CSMD3: variants seen among roughly 807,000 people sequenced by gnomAD.
The protein encoded by CSMD3 is CUB and sushi domain-containing protein 3.
A neutral mutation model predicts 435.2 loss-of-function variants in CSMD3; 177 were observed. That is an observed-to-expected ratio of 0.41 (90% CI 0.36 to 0.46). CSMD3 has a LOEUF of 0.46. Among genes scored for constraint, CSMD3 ranks in the 20% least tolerant of loss-of-function variants. The pLI is 0.34. For synonymous variants in CSMD3, 1,656 were observed against 1,520.5 expected (o/e 1.09, Z -2.07); for missense variants, 4,265 against 4,504.6 (o/e 0.95, Z 1.52).
intron 58 of CSMD3, among the ~76,000 whole-genome samples, chr8:112,285,867 T>A (rs1175946656): frequency 6.6e-6 from 1 of 151,868 alleles, no homozygotes; most frequent in Admixed American, 6.6e-5. Flanking sequence ...TACAGGCATA[T>A]GCCACCACAC....
chr8:112,616,627 C>A (rs1442119301), intron 22 of CSMD3, among the ~76,000 whole-genome samples: 1 of 152,068 alleles, frequency 6.6e-6, no homozygotes, highest in African/African-American at 2.4e-5. Flanking sequence ...GGTGACAACA[C>A]ATGGATTCAG....
At chr8:112,905,195 T>C (rs1398685149) in intron 10 of CSMD3, among the ~76,000 whole-genome samples, 3 of 151,320 alleles carry the variant, frequency 2.0e-5, no homozygotes, top group Non-Finnish European at 4.4e-5. Flanking sequence ...CATTTTAGTT[T>C]CAATTACCTC....
At chr8:113,283,092 A>T (rs1358205776) in intron 2 of CSMD3, among the ~76,000 whole-genome samples, 1 of 152,154 alleles carries the variant, frequency 6.6e-6, no homozygotes, top group Non-Finnish European at 1.5e-5. Context: ...CTCAAGATGG[A>T]TTAAGGACGT....
intron 3 of CSMD3, among the ~76,000 whole-genome samples, chr8:113,263,855 T>C (rs1588400114): frequency 1.3e-5 from 2 of 151,958 alleles, no homozygotes; most frequent in South Asian, 2.1e-4. Context: ...AAGCTGATAG[T>C]TATTATTTCA....
At chr8:112,650,469 C>T (rs2075097407) in intron 18 of CSMD3, 120 bp from the exon 19 acceptor site, 1 of 825,716 alleles carries the variant, frequency 1.2e-6, no homozygotes, top group African/African-American at 1.7e-5. Context: ...GGTACTCGTA[C>T]TTCATTTTTA....
chr8:113,229,681 T>C (rs920917721), intron 3 of CSMD3, among the ~76,000 whole-genome samples: 3 of 151,530 alleles, frequency 2.0e-5, no homozygotes, highest in Admixed American at 1.3e-4. Flanking sequence ...AATGCTGACA[T>C]AGATTTCCCT....
intron 1 of CSMD3, among the ~76,000 whole-genome samples, chr8:113,318,718 C>T (rs1321258978): frequency 6.6e-6 from 1 of 151,274 alleles, no homozygotes; most frequent in Non-Finnish European, 1.5e-5. Flanking sequence ...TTTCACTTAG[C>T]ATAATGTCCT....
intron 6 of CSMD3, among the ~76,000 whole-genome samples, chr8:112,984,585 A>G (rs1349134066): frequency 1.3e-5 from 2 of 152,090 alleles, no homozygotes; most frequent in African/African-American, 4.8e-5. Flanking sequence ...AGCTTCCTTC[A>G]CTCAAATCTT....
chr8:112,438,794 GA>G (rs1814660813), intron 32 of CSMD3, among the ~76,000 whole-genome samples: 1 of 152,114 alleles, frequency 6.6e-6, no homozygotes, highest in Non-Finnish European at 1.5e-5. Flanking sequence ...TTAAATAAAT[GA>G]AAAAATAATT....
intron 38 of CSMD3, among the ~76,000 whole-genome samples, chr8:112,368,041 T>C (rs139263278): frequency 1.2e-3 from 178 of 152,270 alleles, no homozygotes; most frequent in African/African-American, 3.9e-3. Flanking sequence ...TTTCTGAGTG[T>C]CACATGGCCA....
At chr8:113,041,161 G>A (rs570599068) in intron 5 of CSMD3, among the ~76,000 whole-genome samples, 4 of 138,230 alleles carry the variant, frequency 2.9e-5, no homozygotes, top group African/African-American at 1.1e-4. Flanking sequence ...AGCCGAGATC[G>A]CGACACTGCA....
intron 12 of CSMD3, among the ~76,000 whole-genome samples, chr8:112,808,751 C>T (rs929479284): frequency 6.6e-6 from 1 of 152,028 alleles, no homozygotes; most frequent in Non-Finnish European, 1.5e-5. Flanking sequence ...GCTCCCCCTC[C>T]CCTTTCTAAA....
chr8:112,877,797 G>T (rs1587551707), intron 10 of CSMD3, among the ~76,000 whole-genome samples: 1 of 152,116 alleles, frequency 6.6e-6, no homozygotes, highest in African/African-American at 2.4e-5. Flanking sequence ...TGACAAACCA[G>T]ACAAAAATAA....
Position 112,596,520 on chromosome 8 carries a change from T to C in CSMD3, c.3716-9285A>G, listed in dbSNP as rs971576918. Among the ~76,000 whole-genome samples the C allele has an allele frequency of 1.1e-4, 17 of 152,230 alleles. No homozygotes were observed. The East Asian group carries it at 1.5e-3, about 14-fold the overall frequency. ...TCAGCTCTGCACCAAGCGGACCTAATAGACATCTACAGAACTCTCCACCCC... is the reference window on the plus strand; with the variant it reads ...TCAGCTCTGCACCAAGCGGACCTAACAGACATCTACAGAACTCTCCACCCC... On this transcript the variant is annotated intron_variant, in intron 22 of 70. Transcript: ENST00000297405.
intron 27 of CSMD3, among the ~76,000 whole-genome samples, chr8:112,525,312 T>C (rs868514134): frequency 6.7e-6 from 1 of 149,762 alleles, no homozygotes; most frequent in African/African-American, 2.4e-5. Context: ...TGTATAATTA[T>C]ATACAAAATA....
At chr8:112,777,508 A>G (rs2078275759) in intron 13 of CSMD3, among the ~76,000 whole-genome samples, 1 of 151,830 alleles carries the variant, frequency 6.6e-6, no homozygotes, top group South Asian at 2.1e-4. Flanking sequence ...ATTATTTTAA[A>G]AGGTGTAAGC....
intron 26 of CSMD3, 61 bp from the exon 27 acceptor site, chr8:112,550,934 T>C (rs1563691920): frequency 7.9e-7 from 1 of 1,262,890 alleles, no homozygotes; most frequent in Non-Finnish European, 1.2e-6. Flanking sequence ...AAAGAAAAAA[T>C]AGAACAAATG....
chr8:112,786,420 T>A (rs1490420217), intron 13 of CSMD3, among the ~76,000 whole-genome samples: 1 of 152,022 alleles, frequency 6.6e-6, no homozygotes, highest in African/African-American at 2.4e-5. Context: ...AAGGGACAAA[T>A]GAAATTATGT....
intron 15 of CSMD3, 127 bp downstream of exon 15, chr8:112,685,279 C>T (rs1586964405): frequency 1.4e-6 from 1 of 714,322 alleles, no homozygotes; most frequent in Non-Finnish European, 2.3e-6. Flanking sequence ...ATCCTTGGCA[C>T]AATGAGATTT....
Sources: allele counts gnomAD v4.1 joint callset (sites outside exome capture counted in the v4.1 genomes callset), GRCh38; gene constraint gnomAD v4.1.1; transcripts MANE v1.5; gene names NCBI Gene and HGNC (gene_info 2026-07-23, HGNC 2026-07-21).